KCNK2: variants seen among roughly 807,000 people sequenced by gnomAD.
The protein encoded by KCNK2 is potassium channel subfamily K member 2.
Under a neutral mutation model 40.5 loss-of-function variants are expected in KCNK2, and 21 were observed. That is an observed-to-expected ratio of 0.52 (90% CI 0.37 to 0.75). The LOEUF is 0.75. Ranked by LOEUF, KCNK2 falls within the 30% of genes least tolerant of loss-of-function variation. KCNK2 has a pLI of 0.00. For synonymous variants in KCNK2, 191 were observed against 202.2 expected (o/e 0.94, Z 0.47); for missense variants, 399 against 531.6 (o/e 0.75, Z 2.45).
chr1:215,013,396 C>T (rs11809041), intron 1 of KCNK2, among the ~76,000 whole-genome samples: 8,944 of 152,172 alleles, frequency 0.059, 290 homozygotes, highest in Middle Eastern at 0.18. Context: ...ATTTGTTCTT[C>T]TTTTAAAAAA....
At chr1:215,154,718 T>TA (rs1289101049) in intron 3 of KCNK2, among the ~76,000 whole-genome samples, 1 of 152,176 alleles carries the variant, frequency 6.6e-6, no homozygotes. Context: ...TTTTTGGTCT[T>TA]ACGTTTAAGT....
At chr1:215,120,884 A>AT (rs1441655794) in intron 2 of KCNK2, among the ~76,000 whole-genome samples, 1 of 152,036 alleles carries the variant, frequency 6.6e-6, no homozygotes, top group Admixed American at 6.6e-5. Context: ...TTCCAAAGTT[A>AT]TTTTTTAGTT....
chr1:215,200,248 T>C (rs564224471), intron 6 of KCNK2, among the ~76,000 whole-genome samples: 1 of 152,278 alleles, frequency 6.6e-6, no homozygotes, highest in African/African-American at 2.4e-5. Context: ...CCCAATTTTG[T>C]GAAGGGGCCT....
chr1:215,085,536 T>G (rs184368974), intron 1 of KCNK2, among the ~76,000 whole-genome samples: 136 of 152,308 alleles, frequency 8.9e-4, no homozygotes, highest in African/African-American at 3.1e-3. Context: ...AATGGAGCAA[T>G]TAGCTTTGAA....
At chr1:215,230,377 A>G (rs558006875) in intron 6 of KCNK2, among the ~76,000 whole-genome samples, 5 of 149,840 alleles carry the variant, frequency 3.3e-5, no homozygotes, top group African/African-American at 1.2e-4. Context: ...ATACCTAAAT[A>G]TAGAAAAGGT....
chr1:215,169,740 G>A (rs1260895640), intron 4 of KCNK2, among the ~76,000 whole-genome samples: 2 of 151,400 alleles, frequency 1.3e-5, no homozygotes, highest in Non-Finnish European at 2.9e-5. Flanking sequence ...CCACCTCCCA[G>A]GTTCAAGCAA....
intron 3 of KCNK2, among the ~76,000 whole-genome samples, chr1:215,159,727 C>A (rs186864451): frequency 6.6e-5 from 10 of 152,076 alleles, no homozygotes; most frequent in African/African-American, 2.4e-4. Flanking sequence ...TTTACATACT[C>A]ATAAAGTGTT....
chr1:215,049,273 T>G (rs1657896698), intron 1 of KCNK2, among the ~76,000 whole-genome samples: 1 of 152,222 alleles, frequency 6.6e-6, no homozygotes. Context: ...CATATTTTCA[T>G]GTGCTTACTT....
chr1:215,199,545 C>A (rs1022918510), intron 6 of KCNK2, among the ~76,000 whole-genome samples: 3 of 152,098 alleles, frequency 2.0e-5, no homozygotes, highest in African/African-American at 7.2e-5. Flanking sequence ...TGGTAATTTT[C>A]CAGTTTTCCA....
intron 6 of KCNK2, among the ~76,000 whole-genome samples, chr1:215,223,264 T>TAAAAAAAAAAAAAAAAAAA (rs1666257351): frequency 1.2e-5 from 1 of 84,824 alleles, no homozygotes; most frequent in South Asian, 4.7e-4. Flanking sequence ...AAAAAAAAAG[T>TAAAAAAAAAAAAAAAAAAA]CAAAACTCTT....
At chr1:215,024,786 G>A (rs1259398146) in intron 1 of KCNK2, among the ~76,000 whole-genome samples, 1 of 151,982 alleles carries the variant, frequency 6.6e-6, no homozygotes, top group Non-Finnish European at 1.5e-5. Context: ...TGTTTTAGCG[G>A]TATATAAAAC....
intron 3 of KCNK2, among the ~76,000 whole-genome samples, chr1:215,168,633 C>T (rs923551786): frequency 4.6e-5 from 7 of 152,134 alleles, no homozygotes; most frequent in African/African-American, 9.7e-5. Context: ...TGTTCTCGCT[C>T]ATAAGTGGGA....
At chr1:215,172,257 A>G in intron 5 of KCNK2, 74 bp downstream of exon 5, 1 of 1,351,946 alleles carries the variant, frequency 7.4e-7, no homozygotes, top group Non-Finnish European at 1.0e-6. Flanking sequence ...TAGGTTTATA[A>G]CGAAACACAA....
intron 1 of KCNK2, among the ~76,000 whole-genome samples, chr1:215,015,314 G>A (rs920321153): frequency 1.3e-5 from 2 of 151,872 alleles, no homozygotes; most frequent in Admixed American, 6.6e-5. Flanking sequence ...TTCCTCTCTA[G>A]TCCATTGTGT....
At chr1:215,093,215 T>C (rs1659767094) in intron 2 of KCNK2, among the ~76,000 whole-genome samples, 1 of 151,402 alleles carries the variant, frequency 6.6e-6, no homozygotes, top group African/African-American at 2.4e-5. Flanking sequence ...ATCCAAAAGA[T>C]TTCAAGGATA....
Position 215,029,352 on chromosome 1 carries a change from T to A in KCNK2, c.34+23397T>A, listed in dbSNP as rs532396964. On this transcript the variant is annotated intron_variant, in intron 1 of 6. Coordinates refer to the KCNK2 transcript ENST00000391895. Reference sequence around the variant, plus strand: ...CCCATAGTTTTGCCTTTTCGAGAAGTCATATACTTGGAATCACATAGCATA... The same window carrying A: ...CCCATAGTTTTGCCTTTTCGAGAAGACATATACTTGGAATCACATAGCATA... Among the ~76,000 whole-genome samples the A allele has an allele frequency of 3.3e-5, 5 of 150,394 alleles. No homozygotes were observed. The South Asian group carries it at 1.1e-3, about 32-fold the overall frequency.
At position 215,195,138 on chromosome 1, in the gene KCNK2, A is replaced by G. The variant is rs934631833; in HGVS notation, c.963+46A>G. ...AAAAAACTTCTATTTAGTTAATTCA[A>G]TAAAGGTTATTTTAAATTATTTTTA... On this transcript the variant is annotated intron_variant, in intron 6 of 6. Transcript: ENST00000444842. The G allele has an allele frequency of 5.2e-6, 7 of 1,347,488 alleles. No homozygotes were observed. In the East Asian group the frequency reaches 9.5e-5, roughly 18 times the overall value. 83.5% of individuals were successfully genotyped at this position (1,347,488 alleles called of 1,614,324 possible).
chr1:215,170,075 G>A (rs758648626), intron 4 of KCNK2, among the ~76,000 whole-genome samples: 2 of 152,120 alleles, frequency 1.3e-5, no homozygotes, highest in African/African-American at 2.4e-5. Context: ...CTGAGGGTAG[G>A]TGGCATTATA....
At chr1:215,159,230 G>A (rs538643798) in intron 3 of KCNK2, among the ~76,000 whole-genome samples, 15 of 152,266 alleles carry the variant, frequency 9.9e-5, no homozygotes, top group African/African-American at 3.6e-4. Context: ...CAAAGCCCAT[G>A]GTCCTGCCAG....
Sources: allele counts gnomAD v4.1 joint callset (sites outside exome capture counted in the v4.1 genomes callset), GRCh38; gene constraint gnomAD v4.1.1; transcripts MANE v1.5; gene names NCBI Gene and HGNC (gene_info 2026-07-23, HGNC 2026-07-21).